The following SAR1B variants were observed in gnomAD, a reference collection of about 807,000 sequenced individuals.
SAR1B encodes the protein secretion associated Ras related GTPase 1B.
In SAR1B, 23 loss-of-function variants were observed where a neutral mutation model predicts 26.8. That is an observed-to-expected ratio of 0.86 (90% CI 0.62 to 1.22). The LOEUF is 1.22. SAR1B is among the 50% of genes most tolerant of loss of function. The pLI, the probability that SAR1B is intolerant of heterozygous loss-of-function variation, is 0.00. For missense variants in SAR1B, 196 were observed against 232.8 expected (o/e 0.84, Z 1.03); for synonymous variants, 65 against 80.8 (o/e 0.80, Z 1.05).
At chr5:134,632,509 C>G (rs1765626320) in intron 1 of SAR1B, among the ~76,000 whole-genome samples, 1 of 152,216 alleles carries the variant, frequency 6.6e-6, no homozygotes, top group Admixed American at 6.5e-5. Flanking sequence ...CGTCTGACAG[C>G]AGCAGTGTTC....
Position 134,612,684 on chromosome 5 carries a change from A to AAAAAAAAT in SAR1B, c.244+6_244+7insATTTTTTT. ...AAAAAAAAAAAAAAAAAAAAAAAGA[A>AAAAAAAAT]TCTTACCTTGAACATGTCCACCCAG... On this transcript the variant is annotated splice_region_variant and intron_variant, in intron 4 of 6. Coordinates refer to ENST00000402673, the MANE Select transcript of SAR1B (RefSeq NM_016103.4). 24 of 1,017,652 alleles carry AAAAAAAAT rather than the reference A, an allele frequency of 2.4e-5. No individual in the cohort carries two copies. Among genetic ancestry groups the AAAAAAAAT allele is most frequent in the Non-Finnish European group, 3.1e-5 (22 of 711,222 alleles). 63.0% of individuals were successfully genotyped at this position (1,017,652 alleles called of 1,614,324 possible). A position where few individuals can be genotyped will look rare whatever the true frequency, so the allele number is the denominator to read the frequency against.
chr5:134,617,567 T>C (rs1454274913), intron 3 of SAR1B, among the ~76,000 whole-genome samples: 1 of 152,230 alleles, frequency 6.6e-6, no homozygotes, highest in African/African-American at 2.4e-5. Context: ...TCAATAAATA[T>C]TTGAATAAAT....
Position 134,612,688 on chromosome 5 carries a change from T to C in SAR1B, c.244+3A>G. 5.4e-6 allele frequency: 3 copies of C among 560,082 alleles called. No homozygotes were observed. The highest frequency in any genetic ancestry group is 8.7e-6 in the Non-Finnish European group (3 of 343,626). The allele number at this position is 560,082 out of a possible 1,614,324, so 34.7% of individuals were successfully genotyped here. A position where few individuals can be genotyped will look rare whatever the true frequency, so the allele number is the denominator to read the frequency against. The stretch of plus-strand genomic sequence containing the variant: ...AAAAAAAAAAAAAAAAAAAGAATCT[T>C]ACCTTGAACATGTCCACCCAGATCA... On this transcript the variant is annotated splice_donor_region_variant and intron_variant, in intron 4 of 6. Transcript: ENST00000402673.
In SAR1B at chr5:134,609,788, C is replaced by G. The variant is rs1009621651; in HGVS notation, c.245-114G>C. 38 of 775,402 alleles carry G rather than the reference C, an allele frequency of 4.9e-5. No homozygotes were observed. In the African/African-American group the frequency reaches 5.8e-4, roughly 12 times the overall value. 48.0% of individuals were successfully genotyped at this position (775,402 alleles called of 1,614,324 possible). ...GGTAATCCCTTAGCTGCTGGTACTT[C>G]ACAATATATTCAAGTTAATCTTTTA... On this transcript the variant is annotated intron_variant, in intron 4 of 6. Transcript: ENST00000402673.
intron 5 of SAR1B, among the ~76,000 whole-genome samples, chr5:134,608,760 C>A (rs1283188493): frequency 6.6e-6 from 1 of 152,194 alleles, no homozygotes; most frequent in Non-Finnish European, 1.5e-5. Flanking sequence ...ATAGAGCCAG[C>A]ACCTTAGAAG....
chr5:134,619,662 C>G (rs1765372065), intron 3 of SAR1B, among the ~76,000 whole-genome samples: 2 of 152,118 alleles, frequency 1.3e-5, no homozygotes, highest in Admixed American at 6.6e-5. Context: ...CCACACCCAC[C>G]CTTGTTTTAA....
chr5:134,622,327 A>G (rs1006082270), intron 2 of SAR1B, among the ~76,000 whole-genome samples: 1 of 152,172 alleles, frequency 6.6e-6, no homozygotes, highest in Admixed American at 6.6e-5. Context: ...TAATTTGCCC[A>G]AGATTACATA....
At chr5:134,621,700 A>G (rs1197379395) in intron 2 of SAR1B, among the ~76,000 whole-genome samples, 1 of 152,204 alleles carries the variant, frequency 6.6e-6, no homozygotes, top group Non-Finnish European at 1.5e-5. Context: ...AATTTATAAT[A>G]GACTGGAATT....
At chr5:134,621,475 AAAAT>A (rs56349566) in intron 2 of SAR1B, among the ~76,000 whole-genome samples, 31,545 of 148,144 alleles carry the variant, frequency 0.21, 4,412 homozygotes, top group East Asian at 0.4. Context: ...TCTGTCTCAA[AAAAT>A]AAATAAATAA....
intron 3 of SAR1B, chr5:134,618,067 C>G (rs1244656265): frequency 6.6e-6 from 1 of 152,138 alleles, no homozygotes; most frequent in Non-Finnish European, 1.5e-5. Flanking sequence ...CCTGTAATCC[C>G]AGCACTTTGG....
At chr5:134,622,309 C>T (rs576911278) in intron 2 of SAR1B, among the ~76,000 whole-genome samples, 4 of 151,172 alleles carry the variant, frequency 2.6e-5, no homozygotes, top group Admixed American at 6.6e-5. Flanking sequence ...ATGAGTGTCA[C>T]GAAAAAGTAA....
intron 2 of SAR1B, 70 bp from the exon 3 acceptor site, chr5:134,621,122 G>A (rs1765400459): frequency 1.3e-6 from 2 of 1,519,042 alleles, no homozygotes; most frequent in Non-Finnish European, 1.8e-6. Flanking sequence ...TTTAAATTTG[G>A]CCCAATTAAG....
At chr5:134,607,146 T>A in intron 6 of SAR1B, 80 bp from the exon 7 acceptor site, 1 of 925,964 alleles carries the variant, frequency 1.1e-6, no homozygotes, top group Non-Finnish European at 1.8e-6. Flanking sequence ...ATAGGTTCTA[T>A]TTTAGAACAA....
At chr5:134,617,759 G>A (rs2150053102) in intron 3 of SAR1B, among the ~76,000 whole-genome samples, 1 of 152,052 alleles carries the variant, frequency 6.6e-6, no homozygotes, top group South Asian at 2.1e-4. Flanking sequence ...TTGGCTCACT[G>A]CAACCTCCGC....
At chr5:134,610,226 G>C (rs1765191047) in intron 4 of SAR1B, among the ~76,000 whole-genome samples, 1 of 151,996 alleles carries the variant, frequency 6.6e-6, no homozygotes, top group Non-Finnish European at 1.5e-5. Flanking sequence ...CAGCACTTTG[G>C]AAGGCCAAGG....
At chr5:134,619,005 G>C (rs1357244086) in intron 3 of SAR1B, among the ~76,000 whole-genome samples, 1 of 129,918 alleles carries the variant, frequency 7.7e-6, no homozygotes, top group African/African-American at 2.9e-5. Flanking sequence ...CTCAAAAAAG[G>C]AAAAAAAAAA....
chr5:134,613,217 G>C (rs1414693265), intron 3 of SAR1B: 1 of 181,354 alleles, frequency 5.5e-6, no homozygotes, highest in Admixed American at 5.9e-5. Context: ...ACCGGACACA[G>C]CAGTAGGGTG....
chr5:134,621,011 C>G lies in SAR1B; in HGVS notation c.100G>C (p.Asp34His), dbSNP rs2150054201. The G allele has an allele frequency of 6.2e-7, 1 of 1,613,370 alleles. No homozygotes were observed. The highest frequency in any genetic ancestry group is 8.5e-7 in the Non-Finnish European group (1 of 1,179,314). The change falls in exon 3 of 7, where the codon GAT (aspartate) becomes CAT (histidine). Residue 34 changes from aspartate (D) to histidine (H), a missense_variant. Physicochemically the swap from Asp to His is moderately conservative, Grantham distance 81. Transcript: ENST00000402673. ...AGCAATGTTGTTTTTCCTGCATTAT[C>G]CAATCCAAGAAATACCAGTTTACCA... ...KTGKLVFLGL[D>H]NAGKTTLLHM...
chr5:134,619,724 T>C (rs1765374480), intron 3 of SAR1B, among the ~76,000 whole-genome samples: 2 of 152,186 alleles, frequency 1.3e-5, no homozygotes, highest in Non-Finnish European at 2.9e-5. Flanking sequence ...AATTCTGTGG[T>C]GTACATTAGA....
Sources: gnomAD v4.1 joint callset for allele counts (sites outside exome capture counted in the v4.1 genomes callset) on GRCh38, gnomAD v4.1.1 for gene constraint, MANE v1.5 for transcripts, NCBI Gene and HGNC (gene_info 2026-07-23, HGNC 2026-07-21) for gene names.